SCHIP1: variants seen among roughly 807,000 people sequenced by gnomAD.
SCHIP1 encodes the protein schwannomin interacting protein 1.
SCHIP1 carries 8 observed loss-of-function variants against 29.7 expected under a neutral mutation model. That is an observed-to-expected ratio of 0.27 (90% CI 0.16 to 0.49). SCHIP1 has a LOEUF of 0.49. SCHIP1 is among the 20% of genes least tolerant of loss of function. The probability of loss-of-function intolerance (pLI) is 0.99; values close to 1 mark genes in which losing one functional copy is unlikely to be tolerated. For missense variants in SCHIP1, 193 were observed against 294.6 expected (o/e 0.66, Z 2.52); for synonymous variants, 76 against 94.9 (o/e 0.80, Z 1.16).
At chr3:159,384,538 A>G in the SCHIP1 span, among the ~76,000 whole-genome samples, 1 of 148,144 alleles carries the variant, frequency 6.8e-6, no homozygotes, top group African/African-American at 2.5e-5. Context: ...TTTTTGCATC[A>G]ATGTTCATCA....
chr3:159,602,399 A>G, the SCHIP1 span, among the ~76,000 whole-genome samples: 1 of 152,140 alleles, frequency 6.6e-6, no homozygotes, highest in African/African-American at 2.4e-5. Flanking sequence ...TCCAGATCTT[A>G]TTTAAAATTT....
intron 1 of SCHIP1, among the ~76,000 whole-genome samples, chr3:159,855,006 A>G (rs1247867286): frequency 6.6e-6 from 1 of 152,186 alleles, no homozygotes; most frequent in African/African-American, 2.4e-5. Flanking sequence ...ACAGAATTGC[A>G]CTGTGTAACC....
the SCHIP1 span, among the ~76,000 whole-genome samples, chr3:159,677,067 C>A: frequency 1.3e-5 from 2 of 152,170 alleles, no homozygotes; most frequent in Admixed American, 1.3e-4. Context: ...AAGCCACATT[C>A]TCAGACACAT....
the SCHIP1 span, among the ~76,000 whole-genome samples, chr3:159,569,766 C>T: frequency 6.8e-4 from 104 of 152,270 alleles, 1 homozygote; most frequent in African/African-American, 2.3e-3. Flanking sequence ...AATGGTTGAA[C>T]GAATTTACAC....
At chr3:159,423,097 C>T in the SCHIP1 span, among the ~76,000 whole-genome samples, 1 of 152,148 alleles carries the variant, frequency 6.6e-6, no homozygotes, top group Admixed American at 6.5e-5. Flanking sequence ...CGAATAGGAA[C>T]AGCTCCAGTC....
chr3:159,313,655 A>G, the SCHIP1 span, among the ~76,000 whole-genome samples: 1 of 152,184 alleles, frequency 6.6e-6, no homozygotes, highest in Non-Finnish European at 1.5e-5. Flanking sequence ...AAAGTAAGAA[A>G]TTCAAACTGG....
chr3:159,282,266 A>T, the SCHIP1 span, among the ~76,000 whole-genome samples: 2 of 152,040 alleles, frequency 1.3e-5, no homozygotes, highest in Non-Finnish European at 2.9e-5. Flanking sequence ...AATAGATTGA[A>T]AGTGGCCTGT....
chr3:159,716,658 G>C, the SCHIP1 span, among the ~76,000 whole-genome samples: 3 of 152,154 alleles, frequency 2.0e-5, no homozygotes, highest in Non-Finnish European at 4.4e-5. Context: ...TTACATAATG[G>C]TAAAGGGATC....
chr3:159,451,979 C>T, the SCHIP1 span, among the ~76,000 whole-genome samples: 1 of 152,032 alleles, frequency 6.6e-6, no homozygotes, highest in Non-Finnish European at 1.5e-5. Context: ...TCCAGCTTTT[C>T]TAATCTTAAT....
chr3:159,555,770 GTAA>G, the SCHIP1 span, among the ~76,000 whole-genome samples: 1 of 152,314 alleles, frequency 6.6e-6, no homozygotes, highest in East Asian at 1.9e-4. Context: ...GCATGTTGCT[GTAA>G]TCTTGGACAC....
intron 2 of SCHIP1, among the ~76,000 whole-genome samples, chr3:159,883,550 G>A (rs1206097828): frequency 6.6e-6 from 1 of 152,070 alleles, no homozygotes; most frequent in Non-Finnish European, 1.5e-5. Context: ...GAGTTTCACC[G>A]AGAGCTGACT....
chr3:159,384,678 G>A, the SCHIP1 span, among the ~76,000 whole-genome samples: 1 of 151,484 alleles, frequency 6.6e-6, no homozygotes, highest in South Asian at 2.1e-4. Flanking sequence ...AGTTTCAGAA[G>A]GAATAGTACC....
the SCHIP1 span, among the ~76,000 whole-genome samples, chr3:159,492,914 T>C: frequency 2.0e-5 from 3 of 152,142 alleles, no homozygotes; most frequent in Non-Finnish European, 4.4e-5. Flanking sequence ...CAGCAGAAAC[T>C]CTACAAGCCA....
At chr3:159,648,552 T>C in the SCHIP1 span, among the ~76,000 whole-genome samples, 1 of 152,190 alleles carries the variant, frequency 6.6e-6, no homozygotes, top group Non-Finnish European at 1.5e-5. Context: ...AGTATTATTA[T>C]AGAAACTGCT....
chr3:159,567,587 C>T, the SCHIP1 span, among the ~76,000 whole-genome samples: 2 of 152,262 alleles, frequency 1.3e-5, no homozygotes, highest in Admixed American at 6.5e-5. Context: ...TTAAGCTCCA[C>T]ATATGTGTTT....
chr3:159,461,190 C>T, the SCHIP1 span, among the ~76,000 whole-genome samples: 2,964 of 152,150 alleles, frequency 0.019, 69 homozygotes, highest in African/African-American at 0.043. Context: ...GTGGAATGGC[C>T]TCTTCATCTT....
chr3:159,480,486 G>A, the SCHIP1 span, among the ~76,000 whole-genome samples: 1 of 152,100 alleles, frequency 6.6e-6, no homozygotes, highest in Non-Finnish European at 1.5e-5. Flanking sequence ...GTAAAATGAT[G>A]ATGGCTTGGA....
At chr3:159,329,305 T>C in the SCHIP1 span, among the ~76,000 whole-genome samples, 1 of 152,182 alleles carries the variant, frequency 6.6e-6, no homozygotes. Flanking sequence ...TCAACTAACC[T>C]GTGGGACAGT....
chr3:159,509,623 G>A, the SCHIP1 span, among the ~76,000 whole-genome samples: 12 of 152,266 alleles, frequency 7.9e-5, no homozygotes, highest in South Asian at 6.2e-4. Context: ...TCCTTTCCAC[G>A]TTTAGTACTT....
Sources: gnomAD v4.1 joint callset for allele counts (sites outside exome capture counted in the v4.1 genomes callset) on GRCh38, gnomAD v4.1.1 for gene constraint, MANE v1.5 for transcripts, NCBI Gene and HGNC (gene_info 2026-07-23, HGNC 2026-07-21) for gene names.